Variants in TENM4 observed in about 807,000 individuals in gnomAD.
TENM4 encodes the protein teneurin-4.
TENM4 carries 82 observed loss-of-function variants against 243.3 expected under a neutral mutation model. That is an observed-to-expected ratio of 0.34 (90% confidence interval 0.28 to 0.40). TENM4 has a LOEUF of 0.40. Ranked by LOEUF, TENM4 falls within the 10% of genes least tolerant of loss-of-function variation. The pLI is 1.00. For synonymous variants in TENM4, 1,412 were observed against 1,456.3 expected (o/e 0.97, Z 0.69); for missense variants, 3,138 against 3,673.3 (o/e 0.85, Z 3.77).
At chr11:78,973,809 A>C (rs1396982161) in intron 6 of TENM4, among the ~76,000 whole-genome samples, 1 of 151,630 alleles carries the variant, frequency 6.6e-6, no homozygotes, top group Non-Finnish European at 1.5e-5. Flanking sequence ...ACTTAATACA[A>C]AGTTGATGGC....
At chr11:79,213,861 T>TTAAAAAATGGGGTCA (rs1259963745) in intron 3 of TENM4, among the ~76,000 whole-genome samples, 3 of 152,202 alleles carry the variant, frequency 2.0e-5, no homozygotes, top group African/African-American at 7.2e-5. Context: ...TTTTCTTACC[T>TTAAAAAATGGGGTCA]TAAAAAATGG....
At chr11:79,169,599 TGA>T (rs1862993230) in intron 3 of TENM4, among the ~76,000 whole-genome samples, 1 of 152,180 alleles carries the variant, frequency 6.6e-6, no homozygotes, top group African/African-American at 2.4e-5. Context: ...ACAGTTTTCT[TGA>T]CAAGATCCAG....
intron 2 of TENM4, among the ~76,000 whole-genome samples, chr11:79,284,181 C>T (rs368778674): frequency 1.9e-4 from 29 of 152,248 alleles, no homozygotes; most frequent in South Asian, 8.3e-4. Context: ...CAGCTGGATT[C>T]TCTTTTGTAG....
At chr11:79,204,894 T>C (rs906020245) in intron 3 of TENM4, among the ~76,000 whole-genome samples, 8 of 152,236 alleles carry the variant, frequency 5.3e-5, no homozygotes, top group Non-Finnish European at 1.2e-4. Flanking sequence ...CAACGGGTTA[T>C]ACACAGTGGT....
chr11:79,274,578 C>T (rs572748747), intron 2 of TENM4, among the ~76,000 whole-genome samples: 8 of 152,226 alleles, frequency 5.3e-5, no homozygotes, highest in Middle Eastern at 3.4e-3. Context: ...AAGTGGAAGG[C>T]AGGGCTCACC....
intron 6 of TENM4, among the ~76,000 whole-genome samples, chr11:79,029,360 G>A (rs1859167194): frequency 6.6e-6 from 1 of 152,204 alleles, no homozygotes; most frequent in Middle Eastern, 3.4e-3. Flanking sequence ...TGTTTTCTGG[G>A]AGCCGAATAA....
chr11:79,440,595 G>C lies in TENM4; in HGVS notation c.-407C>G, dbSNP rs1258165602. 2.0e-5 allele frequency: 3 copies of C among 152,094 alleles called. No individual in the cohort carries two copies. The highest frequency in any genetic ancestry group is 2.1e-4 in the South Asian group (1 of 4,826). 9.4% of individuals were successfully genotyped at this position (152,094 alleles called of 1,614,324 possible). A position where few individuals can be genotyped will look rare whatever the true frequency, so the allele number is the denominator to read the frequency against. ...CGCGCCGGTGGCTCCTCTCTCTCTC[G>C]GCGGCGCGGCTCCTCTGCTCCGCGA... On this transcript the variant is annotated 5_prime_UTR_variant, in exon 1 of 34. Transcript: ENST00000278550. The surrounding 1 kb of genome is among the most constrained non-coding windows in gnomAD (Gnocchi z 4.7).
chr11:78,849,743 C>A (rs1015355294), intron 12 of TENM4, among the ~76,000 whole-genome samples: 1 of 152,118 alleles, frequency 6.6e-6, no homozygotes, highest in African/African-American at 2.4e-5. Flanking sequence ...CTTTTAACAA[C>A]CCTGAACCTT....
rs538284222 is a variant in TENM4, at chr11:78,875,627, G to A, written c.1085-12495C>T. 1.3e-4 allele frequency among the ~76,000 whole-genome samples: 20 copies of A among 152,318 alleles called. No homozygotes were observed. In the South Asian group the frequency reaches 3.7e-3, roughly 28 times the overall value. On this transcript the variant is annotated intron_variant, in intron 9 of 33. Coordinates refer to ENST00000278550, the MANE Select transcript of TENM4 (RefSeq NM_001098816.3). ...GGCCAATGAGGAGAGGATGGGCTCTGGGTGTGAGTCCTGTCTCTTTCTCTC... is the reference window on the plus strand; with the variant it reads ...GGCCAATGAGGAGAGGATGGGCTCTAGGTGTGAGTCCTGTCTCTTTCTCTC...
chr11:78,854,438 G>T (rs1858623904), intron 11 of TENM4, 124 bp from the exon 12 acceptor site: 2 of 824,450 alleles, frequency 2.4e-6, no homozygotes, highest in East Asian at 2.9e-5. Context: ...GCCCAAAGAG[G>T]CTAAGGGTGC....
chr11:78,903,399 C>G lies in TENM4; in HGVS notation c.618G>C (p.Thr206=). ...SINSLNRGNF[T]PRSNPSPAPT... Reference sequence around the variant, plus strand: ...GGGCCGGGCTGGGGTTGCTCCTCGGCGTGAAGTTGCCCCGGTTCAGGGAGT... The same window carrying G: ...GGGCCGGGCTGGGGTTGCTCCTCGGGGTGAAGTTGCCCCGGTTCAGGGAGT... Residue 206 remains threonine (T), a synonymous_variant, in exon 7 of 34, where the codon ACG becomes ACC. Coordinates refer to ENST00000278550, the MANE Select transcript of TENM4 (RefSeq NM_001098816.3). 1 of 1,537,052 alleles carries G rather than the reference C, an allele frequency of 6.5e-7. No homozygotes were observed. Among genetic ancestry groups the G allele is most frequent in the Non-Finnish European group, 8.8e-7 (1 of 1,139,576 alleles).
intron 1 of TENM4, among the ~76,000 whole-genome samples, chr11:79,302,005 A>G (rs533934830): frequency 2.0e-5 from 3 of 152,312 alleles, no homozygotes; most frequent in Admixed American, 6.5e-5. Flanking sequence ...GCGAGAACGG[A>G]CTAATACAAT....
intron 4 of TENM4, among the ~76,000 whole-genome samples, chr11:79,106,015 T>C (rs1861356670): frequency 1.3e-5 from 2 of 152,258 alleles, no homozygotes; most frequent in East Asian, 1.9e-4. Flanking sequence ...CAAGAAGTTA[T>C]ATTATTTTTA....
At chr11:79,031,382 C>A (rs1859233322) in intron 6 of TENM4, among the ~76,000 whole-genome samples, 1 of 152,072 alleles carries the variant, frequency 6.6e-6, no homozygotes, top group African/African-American at 2.4e-5. Context: ...AACAGATGGT[C>A]CAGGCTAGGG....
At chr11:78,861,904 C>T (rs367819234) in intron 10 of TENM4, among the ~76,000 whole-genome samples, 1 of 152,214 alleles carries the variant, frequency 6.6e-6, no homozygotes, top group Admixed American at 6.5e-5. Context: ...GGGAACGCCA[C>T]ACTGCCCAGA....
intron 12 of TENM4, among the ~76,000 whole-genome samples, chr11:78,824,308 G>C (rs59632314): frequency 0.024 from 3,636 of 152,216 alleles, 56 homozygotes; most frequent in Admixed American, 0.045. Context: ...AAGGTGAAGT[G>C]GGAGCCTGCA....
rs956136808 is a variant in TENM4, at chr11:78,669,777, T to A, written c.6568A>T (p.Thr2190Ser). ...GCATCATACTCATAGGAGTAGCGAG[T>A]GGTATTGGCGTAGGGTCCTACCTTC... is the stretch of plus-strand genomic sequence containing the variant. ...ELKVGPYANT[T>S]RYSYEYDADG... The change falls in exon 32 of 34, where the codon ACT (threonine) becomes TCT (serine). Residue 2190 changes from threonine to serine, a missense_variant. Physicochemically the swap from Thr to Ser is moderately conservative, Grantham distance 58. Transcript: ENST00000278550. The surrounding 1 kb of genome is among the most constrained non-coding windows in gnomAD (Gnocchi z 6.4). 3 of 1,613,594 alleles carry A rather than the reference T, an allele frequency of 1.9e-6. No individual in the cohort carries two copies. The highest frequency in any genetic ancestry group is 2.5e-6 in the Non-Finnish European group (3 of 1,179,844).
At chr11:79,382,658 G>A (rs1167632622) in intron 1 of TENM4, among the ~76,000 whole-genome samples, 3 of 152,034 alleles carry the variant, frequency 2.0e-5, no homozygotes, top group African/African-American at 7.2e-5. Context: ...GCAGGGAGAA[G>A]GGATGGAGGG....
At chr11:78,976,538 C>T (rs73502654) in intron 6 of TENM4, among the ~76,000 whole-genome samples, 2,823 of 152,310 alleles carry the variant, frequency 0.019, 74 homozygotes, top group African/African-American at 0.055. Flanking sequence ...TTGATCACTG[C>T]GCCAAGGCCT....
Sources: allele counts gnomAD v4.1 joint callset (sites outside exome capture counted in the v4.1 genomes callset), GRCh38; gene constraint gnomAD v4.1.1; non-coding constraint Gnocchi (gnomAD v3.1); transcripts MANE v1.5; gene names NCBI Gene and HGNC (gene_info 2026-07-23, HGNC 2026-07-21).